DCLK3: variants seen among roughly 807,000 people sequenced by gnomAD.
DCLK3 encodes serine/threonine-protein kinase DCLK3.
A neutral mutation model predicts 46.4 loss-of-function variants in DCLK3; 30 were observed. That is an observed-to-expected ratio of 0.65 (90% CI 0.48 to 0.88). DCLK3 has a LOEUF of 0.88. Ranked by LOEUF, DCLK3 falls within the 40% of genes least tolerant of loss-of-function variation. The pLI is 0.00. For synonymous variants in DCLK3, 401 were observed against 339.2 expected (o/e 1.18, Z -2.00); for missense variants, 846 against 907.1 (o/e 0.93, Z 0.87).
At chr3:36,724,522 A>G (rs1701101549) in intron 2 of DCLK3, among the ~76,000 whole-genome samples, 1 of 152,288 alleles carries the variant, frequency 6.6e-6, no homozygotes, top group African/African-American at 2.4e-5. Flanking sequence ...TGTGGGAGGA[A>G]CCCAGTAGGA....
At chr3:36,719,466 G>A (rs768774263) in intron 3 of DCLK3, among the ~76,000 whole-genome samples, 4 of 152,108 alleles carry the variant, frequency 2.6e-5, no homozygotes, top group Non-Finnish European at 5.9e-5. Flanking sequence ...CTGTTGAGAG[G>A]GATTGATTTT....
chr3:36,733,498 C>T (rs1249367605), intron 2 of DCLK3, among the ~76,000 whole-genome samples: 1 of 152,184 alleles, frequency 6.6e-6, no homozygotes, highest in Non-Finnish European at 1.5e-5. Context: ...AATAACCTGG[C>T]CTTTGCCCTT....
Position 36,764,524 on chromosome 3 carries a change from C to T in DCLK3, c.-261G>A, listed in dbSNP as rs971752512. Among the ~76,000 whole-genome samples the T allele has an allele frequency of 6.6e-6, 1 of 152,142 alleles. No homozygotes were observed. Among genetic ancestry groups the T allele is most frequent in the Non-Finnish European group, 1.5e-5 (1 of 67,996 alleles). On this transcript the variant is annotated 5_prime_UTR_variant, in exon 1 of 5. Coordinates refer to ENST00000636136, the MANE Select transcript of DCLK3 (RefSeq NM_001394672.2). This position sits in a 1 kb window ranked among gnomAD's most constrained non-coding sequence, Gnocchi z 4.9. Reference sequence around the variant, plus strand: ...CCAGCTGCAGCCGCCCTCTCTGCGCCGGTCCCGCCATGCGCGCCGCTCCTG... The same window carrying T: ...CCAGCTGCAGCCGCCCTCTCTGCGCTGGTCCCGCCATGCGCGCCGCTCCTG...
chr3:36,721,437 T>A (rs893778755), intron 3 of DCLK3, 90 bp downstream of exon 3: 2 of 1,511,870 alleles, frequency 1.3e-6, no homozygotes, highest in Non-Finnish European at 9.0e-7. Flanking sequence ...TCTCTGAGAT[T>A]TATTCCATAT....
At chr3:36,734,611 G>C (rs893667568) in intron 2 of DCLK3, among the ~76,000 whole-genome samples, 2 of 151,576 alleles carry the variant, frequency 1.3e-5, no homozygotes, top group African/African-American at 4.9e-5. Flanking sequence ...AAAAAGAAAG[G>C]GTCTACATAT....
intron 1 of DCLK3, among the ~76,000 whole-genome samples, chr3:36,763,117 T>C (rs549823218): frequency 4.6e-5 from 7 of 152,142 alleles, no homozygotes; most frequent in Non-Finnish European, 8.8e-5. Context: ...AATACAATCA[T>C]CAAAGTGCAG....
Position 36,764,085 on chromosome 3 carries a change from C to T in DCLK3, c.82+97G>A, listed in dbSNP as rs1459783715. ...GGGGTCTGGCACTGCTGCTACATCC[C>T]GCACGGAGCGGGGTCCAGAGTTAGG... On this transcript the variant is annotated intron_variant, in intron 1 of 4. Coordinates refer to ENST00000636136, the MANE Select transcript of DCLK3 (RefSeq NM_001394672.2). This position sits in a 1 kb window ranked among gnomAD's most constrained non-coding sequence, Gnocchi z 4.9. The T allele has an allele frequency of 4.1e-6, 1 of 243,812 alleles. No homozygotes were observed. Among genetic ancestry groups the T allele is most frequent in the African/African-American group, 2.3e-5 (1 of 43,748 alleles). The allele number at this position is 243,812 out of a possible 1,614,324, so 15.1% of individuals were successfully genotyped here. A position where few individuals can be genotyped will look rare whatever the true frequency, so the allele number is the denominator to read the frequency against.
intron 2 of DCLK3, among the ~76,000 whole-genome samples, chr3:36,734,263 G>T (rs948399705): frequency 6.6e-6 from 1 of 152,068 alleles, no homozygotes; most frequent in Admixed American, 6.5e-5. Flanking sequence ...ACCTCTGTCT[G>T]AAAAACCAAA....
chr3:36,746,780 A>G (rs1421930700), intron 1 of DCLK3, among the ~76,000 whole-genome samples: 1 of 152,190 alleles, frequency 6.6e-6, no homozygotes, highest in Non-Finnish European at 1.5e-5. Context: ...CCCATTTCCA[A>G]TTTACTATGT....
rs182880340 is a variant in DCLK3, at chr3:36,742,708, C to G, written c.83-3624G>C. 3.2e-3 allele frequency among the ~76,000 whole-genome samples: 492 copies of G among 152,332 alleles called. 6 individuals carry two copies. Among genetic ancestry groups the G allele is most frequent in the Non-Finnish European group, 2.8e-3 (191 of 68,032 alleles). On this transcript the variant is annotated intron_variant, in intron 1 of 4. Coordinates refer to ENST00000636136, the MANE Select transcript of DCLK3 (RefSeq NM_001394672.2). ...ATTTTTATCTTCTCTTCCACAAGACCTCTTTCCTCTTTTAAAGTAGTCTAG... is the reference window on the plus strand; with the variant it reads ...ATTTTTATCTTCTCTTCCACAAGACGTCTTTCCTCTTTTAAAGTAGTCTAG...
chr3:36,718,095 A>C lies in DCLK3; in HGVS notation c.2175T>G (p.Pro725=). 6.2e-7 allele frequency: 1 copy of C among 1,614,174 alleles called. No individual in the cohort carries two copies. Among genetic ancestry groups the C allele is most frequent in the Non-Finnish European group, 8.5e-7 (1 of 1,180,024 alleles). The change falls in exon 4 of 5, where the codon CCT becomes CCG. Residue 725 remains proline, a synonymous_variant. Coordinates refer to ENST00000636136, the MANE Select transcript of DCLK3 (RefSeq NM_001394672.2). ...LLCGFPPFRS[P]ERDQDELFNI... ...TAAAGAGCTCGTCCTGGTCCCTCTC[A>C]GGGCTGCGGAATGGGGGAAAGCCAC... is the stretch of plus-strand genomic sequence containing the variant.
rs144392897 is a variant in DCLK3 at position 36,757,806 on chromosome 3, C to T, written c.82+6376G>A. On this transcript the variant is annotated intron_variant, in intron 1 of 4. Transcript: ENST00000636136. ...GGTCGGTGGTACCACCAACCACCCT[C>T]GACCTCCAAGACCAAGAGTCATCCC... Among the ~76,000 whole-genome samples the T allele has an allele frequency of 2.0e-4, 30 of 152,216 alleles. No individual in the cohort carries two copies. In the East Asian group the frequency reaches 5.2e-3, roughly 27 times the overall value.
intron 2 of DCLK3, among the ~76,000 whole-genome samples, chr3:36,728,362 G>C (rs73824466): frequency 6.6e-6 from 1 of 152,110 alleles, no homozygotes; most frequent in Non-Finnish European, 1.5e-5. Flanking sequence ...ATCATTGGTG[G>C]GGGGTGGGGG....
At chr3:36,723,648 G>T (rs1462424930) in intron 2 of DCLK3, among the ~76,000 whole-genome samples, 1 of 152,224 alleles carries the variant, frequency 6.6e-6, no homozygotes, top group African/African-American at 2.4e-5. Context: ...TCGAGTTGTG[G>T]CTTCAGAGGA....
intron 1 of DCLK3, among the ~76,000 whole-genome samples, chr3:36,759,352 C>T (rs1021988143): frequency 6.6e-5 from 10 of 152,116 alleles, no homozygotes; most frequent in South Asian, 2.1e-4. Flanking sequence ...TCATTCCAGA[C>T]GAGCCAGAGA....
chr3:36,756,958 T>A (rs1701491024), intron 1 of DCLK3, among the ~76,000 whole-genome samples: 1 of 151,556 alleles, frequency 6.6e-6, no homozygotes, highest in Non-Finnish European at 1.5e-5. Flanking sequence ...GGCTCTGCTA[T>A]GAAAACAATG....
chr3:36,739,044 G>C lies in DCLK3; in HGVS notation c.123C>G (p.Ser41Arg). ...GLCDHSLKYL[S>R]SRITERKLQG... The stretch of plus-strand genomic sequence containing the variant: ...GCAGCTTCCGCTCTGTGATTCTCGA[G>C]CTTAAATATTTTAGAGAATGGTCAC... The change falls in exon 2 of 5, where the codon AGC (serine) becomes AGG (arginine). Residue 41 changes from serine to arginine, a missense_variant. By Grantham distance (110) the Ser-to-Arg change is moderately radical. Coordinates refer to ENST00000636136, the MANE Select transcript of DCLK3 (RefSeq NM_001394672.2). 5.0e-6 allele frequency: 2 copies of C among 398,776 alleles called. No individual in the cohort carries two copies. Among genetic ancestry groups the C allele is most frequent in the Non-Finnish European group, 8.8e-6 (2 of 226,074 alleles). 24.7% of individuals were successfully genotyped at this position (398,776 alleles called of 1,614,324 possible). A position where few individuals can be genotyped will look rare whatever the true frequency, so the allele number is the denominator to read the frequency against.
chr3:36,715,613 G>T, intron 4 of DCLK3, 92 bp from the exon 5 acceptor site: 1 of 1,387,518 alleles, frequency 7.2e-7, no homozygotes, highest in Non-Finnish European at 9.6e-7. Flanking sequence ...AAACATTCAC[G>T]TCAGCACCAC....
At position 36,764,529 on chromosome 3, in the gene DCLK3, C is replaced by CG. The variant is rs1203416559; in HGVS notation, c.-267_-266insC. ...TGCAGCCGCCCTCTCTGCGCCGGTCCCGCCATGCGCGCCGCTCCTGGCCCT... is the reference window on the plus strand; with the variant it reads ...TGCAGCCGCCCTCTCTGCGCCGGTCCGCGCCATGCGCGCCGCTCCTGGCCCT... On this transcript the variant is annotated 5_prime_UTR_variant, in exon 1 of 5. It removes the in-frame stop codon of an upstream open reading frame in the 5' UTR. Transcript: ENST00000636136. The surrounding 1 kb of genome is among the most constrained non-coding windows in gnomAD (Gnocchi z 4.9). Among the ~76,000 whole-genome samples the CG allele has an allele frequency of 6.6e-6, 1 of 152,096 alleles. No homozygotes were observed. Among genetic ancestry groups the CG allele is most frequent in the Admixed American group, 6.5e-5 (1 of 15,284 alleles).
Sources: allele counts gnomAD v4.1 joint callset (sites outside exome capture counted in the v4.1 genomes callset), GRCh38; gene constraint gnomAD v4.1.1; non-coding constraint Gnocchi (gnomAD v3.1); transcripts MANE v1.5; gene names NCBI Gene and HGNC (gene_info 2026-07-23, HGNC 2026-07-21).